DPPA2: variants seen among roughly 807,000 people sequenced by gnomAD.
The protein encoded by DPPA2 is developmental pluripotency associated 2, also known as developmental pluripotency-associated protein 2.
In DPPA2, 26 loss-of-function variants were observed where a neutral mutation model predicts 36.2. The observed-to-expected ratio is 0.72, with a 90% CI of 0.53 to 1.00. DPPA2 has a LOEUF of 1.00. Ranked by LOEUF, DPPA2 falls within the 50% of genes least tolerant of loss-of-function variation. The pLI is 0.00. For missense variants in DPPA2, 361 were observed against 365.1 expected (o/e 0.99, Z 0.09); for synonymous variants, 113 against 123.2 (o/e 0.92, Z 0.55).
chr3:109,294,121 G>C (rs547424672), intron 8 of DPPA2, 117 bp from the exon 9 acceptor site: 2 of 152,158 alleles, frequency 1.3e-5, no homozygotes, highest in East Asian at 1.9e-4. Flanking sequence ...TGGAACAAAC[G>C]TAACTTTTAA....
At position 109,312,553 on chromosome 3, in the gene DPPA2, T is replaced by C; in HGVS notation, c.173A>G (p.Tyr58Cys). The change falls in exon 3 of 9, where the codon TAC (tyrosine) becomes TGC (cysteine). Residue 58 changes from tyrosine (Y) to cysteine (C), a missense_variant. Physicochemically the swap from Tyr to Cys is radical, Grantham distance 194. Coordinates refer to ENST00000478945, the MANE Select transcript of DPPA2 (RefSeq NM_138815.4). ...SDVKLEKPKKYNPGHLLQTNE... is the reference protein window; with the variant it reads ...SDVKLEKPKKCNPGHLLQTNE... ...AATCCCTGTCCTCATACCTGGATTG[T>C]ATTTCTTAGGCTTCTCCAGTTTGAC... 8 of 1,613,006 alleles carry C rather than the reference T, an allele frequency of 5.0e-6. No individual in the cohort carries two copies. Among genetic ancestry groups the C allele is most frequent in the South Asian group, 1.1e-5 (1 of 90,978 alleles).
At chr3:109,294,820 A>C (rs149160600) in intron 8 of DPPA2, among the ~76,000 whole-genome samples, 107 of 152,250 alleles carry the variant, frequency 7.0e-4, no homozygotes, top group African/African-American at 2.4e-3. Flanking sequence ...TCAGGAGTTC[A>C]AGAGCAGCCT....
At chr3:109,296,933 T>C (rs1360603550) in intron 8 of DPPA2, among the ~76,000 whole-genome samples, 1 of 149,762 alleles carries the variant, frequency 6.7e-6, no homozygotes, top group African/African-American at 2.5e-5. Flanking sequence ...CAAAAAAAAA[T>C]AGAAAAATTA....
intron 1 of DPPA2, among the ~76,000 whole-genome samples, chr3:109,315,866 G>GAATA (rs937794358): frequency 4.0e-4 from 60 of 151,610 alleles, no homozygotes; most frequent in African/African-American, 1.1e-3. Flanking sequence ...TCATCTCTAT[G>GAATA]AATAAATAAA....
intron 8 of DPPA2, among the ~76,000 whole-genome samples, chr3:109,299,210 A>G (rs1007674540): frequency 5.9e-5 from 9 of 151,698 alleles, no homozygotes; most frequent in Non-Finnish European, 1.3e-4. Context: ...ATACCAAAAA[A>G]AAAAAAAAAA....
At chr3:109,296,162 C>G (rs1707347706) in intron 8 of DPPA2, among the ~76,000 whole-genome samples, 1 of 151,944 alleles carries the variant, frequency 6.6e-6, no homozygotes, top group South Asian at 2.1e-4. Flanking sequence ...ACATACAAAA[C>G]CAGAGATCCA....
rs556921618 is a variant in DPPA2 at position 109,301,115 on chromosome 3, T to C, written c.855-680A>G. Among the ~76,000 whole-genome samples, 88 of 151,702 alleles carry C rather than the reference T, an allele frequency of 5.8e-4. 1 individual carries two copies. Among genetic ancestry groups the C allele is most frequent in the African/African-American group, 2.1e-3 (88 of 41,398 alleles). ...CCTCCCACCTCAGCCTCCCCAGTAGTTGGGACCACAGGTGCATGCCACCAC... is the reference window on the plus strand; with the variant it reads ...CCTCCCACCTCAGCCTCCCCAGTAGCTGGGACCACAGGTGCATGCCACCAC... On this transcript the variant is annotated intron_variant, in intron 7 of 8. Coordinates refer to ENST00000478945, the MANE Select transcript of DPPA2 (RefSeq NM_138815.4).
intron 1 of DPPA2, among the ~76,000 whole-genome samples, chr3:109,315,586 T>C (rs936308323): frequency 3.3e-5 from 5 of 152,174 alleles, no homozygotes; most frequent in Admixed American, 3.3e-4. Flanking sequence ...GGAAATTTCA[T>C]TCACCAATAA....
chr3:109,296,800 C>G (rs1707359024), intron 8 of DPPA2, among the ~76,000 whole-genome samples: 1 of 151,864 alleles, frequency 6.6e-6, no homozygotes, highest in Admixed American at 6.6e-5. Context: ...ATAAAACAAC[C>G]CAATTAAAAA....
Position 109,316,381 on chromosome 3 carries a change from C to G in DPPA2, c.-111G>C, listed in dbSNP as rs1707784545. Reference sequence around the variant, plus strand: ...TTGAATTCCTGGCTGAGTTCCCAGACTCAAGTTGATCCTCCCTCCGCAGCC... The same window carrying G: ...TTGAATTCCTGGCTGAGTTCCCAGAGTCAAGTTGATCCTCCCTCCGCAGCC... On this transcript the variant is annotated 5_prime_UTR_variant, in exon 1 of 9. Coordinates refer to ENST00000478945, the MANE Select transcript of DPPA2 (RefSeq NM_138815.4). 6.5e-6 allele frequency: 1 copy of G among 153,268 alleles called. No individual in the cohort carries two copies. The highest frequency in any genetic ancestry group is 1.5e-5 in the Non-Finnish European group (1 of 68,940). The allele number at this position is 153,268 out of a possible 1,614,324, so 9.5% of individuals were successfully genotyped here.
At chr3:109,304,795 A>C (rs1707521152) in intron 6 of DPPA2, 125 bp from the exon 7 acceptor site, 2 of 912,958 alleles carry the variant, frequency 2.2e-6, no homozygotes, top group African/African-American at 3.4e-5. Flanking sequence ...AGATGCATGA[A>C]AACCTAGACC....
intron 1 of DPPA2, 23 bp from the exon 2 acceptor site, chr3:109,314,578 T>C (rs780971734): frequency 1.1e-5 from 18 of 1,605,614 alleles, no homozygotes; most frequent in South Asian, 2.2e-5. Context: ...AGGACAGCAA[T>C]GTTAAGGATA....
At chr3:109,313,408 A>C (rs186913722) in intron 2 of DPPA2, among the ~76,000 whole-genome samples, 3 of 152,332 alleles carry the variant, frequency 2.0e-5, no homozygotes, top group Admixed American at 2.0e-4. Flanking sequence ...ACAGCAGTCT[A>C]CACAGAGTAG....
Position 109,308,067 on chromosome 3 carries a change from G to A in DPPA2, c.623C>T (p.Pro208Leu). Residue 208 changes from proline (P) to leucine (L), a missense_variant, in exon 6 of 9, where the codon CCT becomes CTT. Pro to Leu is a moderately conservative substitution (Grantham distance 98). Coordinates refer to ENST00000478945, the MANE Select transcript of DPPA2 (RefSeq NM_138815.4). ...CATCAAAAAGGCCTCAACAGAAACA[G>A]GAATGGAACATGAATTCAAAGCCTT... ...QPKALNSCSI[P>L]VSVEAFLMQA... 1 of 1,614,234 alleles carries A rather than the reference G, an allele frequency of 6.2e-7. No individual in the cohort carries two copies. Among genetic ancestry groups the A allele is most frequent in the Non-Finnish European group, 8.5e-7 (1 of 1,180,032 alleles).
intron 6 of DPPA2, among the ~76,000 whole-genome samples, chr3:109,305,059 T>C (rs1168609102): frequency 6.6e-6 from 1 of 151,858 alleles, no homozygotes; most frequent in Non-Finnish European, 1.5e-5. Flanking sequence ...GGCAAGAGAA[T>C]AGCTTGAACC....
intron 6 of DPPA2, among the ~76,000 whole-genome samples, chr3:109,306,704 G>T (rs1707571454): frequency 6.6e-6 from 1 of 151,474 alleles, no homozygotes. Flanking sequence ...GGTAGCTCAC[G>T]CCTGTAATCC....
At chr3:109,299,791 G>C (rs1471685840) in intron 8 of DPPA2, among the ~76,000 whole-genome samples, 1 of 148,280 alleles carries the variant, frequency 6.7e-6, no homozygotes, top group Non-Finnish European at 1.5e-5. Context: ...GCCCAGGCTG[G>C]AGTGCAGTGG....
intron 8 of DPPA2, among the ~76,000 whole-genome samples, chr3:109,295,915 T>A (rs192238240): frequency 5.0e-4 from 76 of 152,264 alleles, no homozygotes; most frequent in Non-Finnish European, 9.3e-4. Context: ...AAATGAAAAC[T>A]GCCTTCATGG....
chr3:109,302,405 A>G (rs895853799), intron 7 of DPPA2, among the ~76,000 whole-genome samples: 1 of 152,106 alleles, frequency 6.6e-6, no homozygotes, highest in African/African-American at 2.4e-5. Flanking sequence ...TTTCTGAATT[A>G]CTAATCTCTT....
Sources: gnomAD v4.1 joint callset for allele counts (sites outside exome capture counted in the v4.1 genomes callset) on GRCh38, gnomAD v4.1.1 for gene constraint, MANE v1.5 for transcripts, NCBI Gene and HGNC (gene_info 2026-07-23, HGNC 2026-07-21) for gene names.